Variants in ACSL4 observed in about 807,000 individuals in gnomAD.
ACSL4 encodes acyl-CoA synthetase long chain family member 4.
In ACSL4, 9 loss-of-function variants were observed where a neutral mutation model predicts 49.1. The observed-to-expected ratio is 0.18, with a 90% CI of 0.11 to 0.32. The LOEUF (loss-of-function observed/expected upper bound fraction) is 0.32. ACSL4 is among the 10% of genes least tolerant of loss of function. The pLI is 1.00. For missense variants in ACSL4, 333 were observed against 493.7 expected (o/e 0.67, Z 3.08); for synonymous variants, 191 against 170.3 (o/e 1.12, Z -0.95).
chrX:109,722,507 C>T (rs1379335324), intron 1 of ACSL4, among the ~76,000 whole-genome samples: 1 of 111,640 alleles, frequency 9.0e-6, no homozygotes, highest in African/African-American at 3.3e-5. Flanking sequence ...TTTAATTCTT[C>T]GCTAAAATCA....
intron 2 of ACSL4, among the ~76,000 whole-genome samples, chrX:109,692,660 T>C (rs1925127907): frequency 8.9e-6 from 1 of 112,053 alleles, no homozygotes; most frequent in Admixed American, 9.5e-5. Flanking sequence ...GAGTAACTGC[T>C]GCAGGTCCCT....
chrX:109,670,445 C>A (rs1476742545), intron 9 of ACSL4, among the ~76,000 whole-genome samples: 3 of 108,898 alleles, frequency 2.8e-5, no homozygotes, highest in East Asian at 5.8e-4. Context: ...ATTAGCCGGG[C>A]GTGGTGGCAG....
intron 1 of ACSL4, among the ~76,000 whole-genome samples, chrX:109,698,966 T>C (rs755868209): frequency 2.6e-4 from 29 of 112,663 alleles, no homozygotes; most frequent in South Asian, 1.4e-3. Flanking sequence ...ATAGCATCTG[T>C]TGGAAATGTT....
At chrX:109,687,840 A>G (rs1924732138) in intron 2 of ACSL4, among the ~76,000 whole-genome samples, 2 of 112,036 alleles carry the variant, frequency 1.8e-5, no homozygotes, top group African/African-American at 6.5e-5. Flanking sequence ...CTTAAATTCC[A>G]TAGGCAATCA....
At chrX:109,644,207 T>G in intron 15 of ACSL4, 21 bp from the exon 16 acceptor site, 1 of 1,186,095 alleles carries the variant, frequency 8.4e-7, no homozygotes, top group Non-Finnish European at 1.1e-6. Context: ...AAGTGAAAGA[T>G]GGGAGAAAAG....
intron 9 of ACSL4, among the ~76,000 whole-genome samples, chrX:109,671,350 G>C (rs1007524268): frequency 9.0e-5 from 10 of 110,600 alleles, no homozygotes; most frequent in Admixed American, 5.6e-4. Flanking sequence ...GTCTCTGACC[G>C]GCCTCCCCGT....
chrX:109,680,962 A>G (rs1204543149), intron 6 of ACSL4, 36 bp downstream of exon 6: 1 of 1,193,915 alleles, frequency 8.4e-7, no homozygotes, highest in Admixed American at 2.2e-5. Context: ...CAAACTTGGA[A>G]TAGGTAAATA....
At chrX:109,721,734 A>G (rs1158167411) in intron 1 of ACSL4, among the ~76,000 whole-genome samples, 1 of 110,629 alleles carries the variant, frequency 9.0e-6, no homozygotes, top group Non-Finnish European at 1.9e-5. Context: ...TCCGTCAAAA[A>G]AAAAAACAAA....
chrX:109,663,834 T>C (rs1922391278), intron 12 of ACSL4, among the ~76,000 whole-genome samples: 1 of 111,300 alleles, frequency 9.0e-6, no homozygotes, highest in Non-Finnish European at 1.9e-5. Context: ...CCAAAAATGG[T>C]AGCATCATAA....
Position 109,693,370 on chromosome X carries a change from G to T in ACSL4, c.-13+2774C>A, listed in dbSNP as rs147822909. 8.3e-4 allele frequency among the ~76,000 whole-genome samples: 93 copies of T among 111,652 alleles called. 1 individual carries two copies. The East Asian group carries it at 0.021, about 25-fold the overall frequency. ...ATCTGTTGAATATTGAAATCTTATG[G>T]CCATATAGTCAATGCTCACATATTA... On this transcript the variant is annotated intron_variant, in intron 2 of 15. Transcript: ENST00000672401.
chrX:109,659,438 C>A lies in ACSL4; in HGVS notation c.1771G>T (p.Val591Leu). Residue 591 changes from valine (V) to leucine (L), a missense_variant, in exon 15 of 16, where the codon GTA (valine) becomes TTA (leucine). Physicochemically the swap from Val to Leu is conservative, Grantham distance 32. Transcript: ENST00000672401. ...RLTLLAQQKG[V>L]EGTWVDICNN... The stretch of plus-strand genomic sequence containing the variant: ...CAGATATCAACCCAAGTTCCTTCTA[C>A]CCCTTTCTGTTGTGCCAAAAGTGTC... The A allele has an allele frequency of 8.3e-7, 1 of 1,206,198 alleles. No individual in the cohort carries two copies. Among genetic ancestry groups the A allele is most frequent in the Non-Finnish European group, 1.1e-6 (1 of 890,938 alleles).
intron 2 of ACSL4, among the ~76,000 whole-genome samples, chrX:109,688,156 C>T (rs1250563578): frequency 2.7e-5 from 3 of 111,988 alleles, no homozygotes; most frequent in Non-Finnish European, 5.6e-5. Flanking sequence ...CAGCAGCTGA[C>T]CTATTTTGCA....
intron 1 of ACSL4, among the ~76,000 whole-genome samples, chrX:109,704,264 A>C (rs1926184323): frequency 8.9e-6 from 1 of 111,785 alleles, no homozygotes; most frequent in Admixed American, 9.5e-5. Context: ...ATTTTGAAGC[A>C]ATGTTTATTT....
At position 109,683,267 on chromosome X, in the gene ACSL4, G is replaced by A. The variant is rs1924323705; in HGVS notation, c.97C>T (p.Pro33Ser). Reference protein sequence around the residue: ...HFDSLAVIDIPGADTLDKLFD... With the variant: ...HFDSLAVIDISGADTLDKLFD... Reference sequence around the variant, plus strand: ...AATTTATCCAGAGTATCTGCTCCAGGGATGTCTATTACAGCTAGTGAGTCG... The same window carrying A: ...AATTTATCCAGAGTATCTGCTCCAGAGATGTCTATTACAGCTAGTGAGTCG... Residue 33 changes from proline to serine, a missense_variant, in exon 3 of 16, where the codon CCT becomes TCT. Transcript: ENST00000672401. The A allele has an allele frequency of 2.5e-6, 3 of 1,211,889 alleles. No individual in the cohort carries two copies.
At chrX:109,680,634 A>G (rs897794452) in intron 6 of ACSL4, among the ~76,000 whole-genome samples, 3 of 112,610 alleles carry the variant, frequency 2.7e-5, no homozygotes, top group Non-Finnish European at 3.8e-5. Flanking sequence ...ACTAGCATTA[A>G]GCATTTATTT....
intron 4 of ACSL4, 131 bp downstream of exon 4, chrX:109,682,588 C>T (rs1365348155): frequency 1.8e-5 from 13 of 727,869 alleles, no homozygotes; most frequent in Admixed American, 6.9e-5. Flanking sequence ...TATTACATGC[C>T]GTATTATGGA....
At chrX:109,712,598 C>A (rs1465797646) in intron 1 of ACSL4, among the ~76,000 whole-genome samples, 2 of 111,733 alleles carry the variant, frequency 1.8e-5, no homozygotes, top group Non-Finnish European at 3.8e-5. Flanking sequence ...ATCAGCTGGC[C>A]GAAATGAAGC....
chrX:109,725,803 C>A lies in ACSL4; in HGVS notation c.-66+7336G>T, dbSNP rs193030214. 3.6e-5 allele frequency among the ~76,000 whole-genome samples: 4 copies of A among 111,574 alleles called. No individual in the cohort carries two copies. The Admixed American group carries it at 3.8e-4, about 11-fold the overall frequency. On this transcript the variant is annotated intron_variant, in intron 1 of 15. Transcript: ENST00000672401. ...AGATTTTTATATTTTTTCCACGTAT[C>A]TTGTATAGTCATCTTACCCACATTT...
intron 15 of ACSL4, among the ~76,000 whole-genome samples, chrX:109,650,586 A>C (rs939828585): frequency 6.4e-5 from 7 of 109,165 alleles, no homozygotes; most frequent in Non-Finnish European, 1.3e-4. Flanking sequence ...CTAGATGACA[A>C]GTTAGTGGGT....
Sources: gnomAD v4.1 joint callset for allele counts (sites outside exome capture counted in the v4.1 genomes callset) on GRCh38, gnomAD v4.1.1 for gene constraint, MANE v1.5 for transcripts, NCBI Gene and HGNC (gene_info 2026-07-23, HGNC 2026-07-21) for gene names.